STX8: variants seen among roughly 807,000 people sequenced by gnomAD.
STX8 encodes the protein syntaxin-8.
A neutral mutation model predicts 37.5 loss-of-function variants in STX8; 23 were observed. That is an observed-to-expected ratio of 0.61 (90% CI 0.44 to 0.87). STX8 has a LOEUF of 0.87. STX8 is among the 40% of genes least tolerant of loss of function. The pLI, the probability that STX8 is intolerant of heterozygous loss-of-function variation, is 0.00. For synonymous variants in STX8, 115 were observed against 99.1 expected, an observed-to-expected ratio of 1.16 and a Z score of -0.95; for missense variants, 313 against 284.7, an observed-to-expected ratio of 1.10 and a Z score of -0.71.
chr17:9,545,399 C>T (rs1438871003), intron 3 of STX8, 117 bp from the exon 4 acceptor site: 14 of 716,496 alleles, frequency 2.0e-5, no homozygotes, highest in Non-Finnish European at 2.4e-6. Flanking sequence ...CACTACTACC[C>T]AGAAGGGATG....
chr17:9,540,436 G>A (rs914572751), intron 4 of STX8, among the ~76,000 whole-genome samples: 7 of 152,118 alleles, frequency 4.6e-5, no homozygotes, highest in South Asian at 2.1e-4. Flanking sequence ...AAGCATATGC[G>A]GACATGTTCC....
chr17:9,484,663 A>AG (rs1396938784), intron 6 of STX8, among the ~76,000 whole-genome samples: 2 of 147,880 alleles, frequency 1.4e-5, no homozygotes, highest in Admixed American at 6.8e-5. Flanking sequence ...TAAAAATACA[A>AG]AAAAAAAAAA....
At chr17:9,563,189 A>G (rs973474760) in intron 2 of STX8, among the ~76,000 whole-genome samples, 1 of 150,884 alleles carries the variant, frequency 6.6e-6, no homozygotes. Flanking sequence ...TTATTTATTT[A>G]TTTATTTATT....
At chr17:9,546,590 GGTTTTTTTTTTT>G (rs1906529205) in intron 3 of STX8, among the ~76,000 whole-genome samples, 3 of 62,218 alleles carry the variant, frequency 4.8e-5, no homozygotes, top group Admixed American at 4.8e-4. Context: ...CTACAAAAGT[GGTTTTTTTTTTT>G]TTTTTTTTTT....
chr17:9,525,370 G>C (rs189157749), intron 4 of STX8, among the ~76,000 whole-genome samples: 1 of 149,240 alleles, frequency 6.7e-6, no homozygotes, highest in African/African-American at 2.5e-5. Flanking sequence ...TTTTTGAGAC[G>C]GAGTCTCACT....
Position 9,493,030 on chromosome 17 carries a change from G to A in STX8, c.449-1109C>T, listed in dbSNP as rs574256493. On this transcript the variant is annotated intron_variant, in intron 5 of 7. Transcript: ENST00000306357. ...GGAGAATGGTGTGAACCCAGGAAGC[G>A]GAGATTGCAGTGAGCTGAGATTGCG... Among the ~76,000 whole-genome samples the A allele has an allele frequency of 4.3e-4, 65 of 152,004 alleles. No individual in the cohort carries two copies. The South Asian group carries it at 0.011, about 26-fold the overall frequency.
intron 3 of STX8, among the ~76,000 whole-genome samples, chr17:9,546,890 C>G (rs992863009): frequency 2.1e-5 from 1 of 47,770 alleles, no homozygotes; most frequent in Non-Finnish European, 3.9e-5. Context: ...AGCCAGTGCG[C>G]CCAGACACAA....
chr17:9,488,288 T>C (rs566476263), intron 6 of STX8, among the ~76,000 whole-genome samples: 2 of 149,400 alleles, frequency 1.3e-5, no homozygotes, highest in East Asian at 1.9e-4. Context: ...ATCGCACCAC[T>C]GCACTCCAGC....
chr17:9,433,488 G>C (rs1307439182), intron 6 of STX8, among the ~76,000 whole-genome samples: 1 of 152,104 alleles, frequency 6.6e-6, no homozygotes, highest in Admixed American at 6.5e-5. Flanking sequence ...CTTTCATTCA[G>C]TCAAAAACTA....
chr17:9,432,793 A>G (rs1244152714), intron 6 of STX8, among the ~76,000 whole-genome samples: 1 of 152,210 alleles, frequency 6.6e-6, no homozygotes, highest in Non-Finnish European at 1.5e-5. Context: ...GAAAACATTT[A>G]CAAGCTTTCC....
At chr17:9,496,643 G>A (rs1162033189) in intron 5 of STX8, among the ~76,000 whole-genome samples, 1 of 152,090 alleles carries the variant, frequency 6.6e-6, no homozygotes, top group Non-Finnish European at 1.5e-5. Flanking sequence ...ATGGCAAAAG[G>A]GACTTTGCAG....
intron 6 of STX8, among the ~76,000 whole-genome samples, chr17:9,430,555 C>T (rs534515338): frequency 6.6e-6 from 1 of 151,374 alleles, no homozygotes. Context: ...AAACTTCATT[C>T]TTTTTATGGC....
chr17:9,556,633 G>A (rs1394927987), intron 3 of STX8, among the ~76,000 whole-genome samples: 3 of 151,112 alleles, frequency 2.0e-5, no homozygotes, highest in Non-Finnish European at 4.4e-5. Flanking sequence ...GTAGAGATGG[G>A]GTTTCACCAT....
At chr17:9,257,945 C>T (rs377441936) in intron 7 of STX8, among the ~76,000 whole-genome samples, 64 of 152,302 alleles carry the variant, frequency 4.2e-4, no homozygotes, top group South Asian at 3.9e-3. Flanking sequence ...GCTGAGATTG[C>T]GCCACTGCAC....
intron 4 of STX8, among the ~76,000 whole-genome samples, chr17:9,544,952 G>A (rs564479040): frequency 3.9e-5 from 6 of 152,090 alleles, no homozygotes; most frequent in Non-Finnish European, 8.8e-5. Flanking sequence ...CCAAGATCAC[G>A]CCACTGCACT....
At chr17:9,353,394 G>A (rs746566895) in intron 7 of STX8, among the ~76,000 whole-genome samples, 1 of 152,192 alleles carries the variant, frequency 6.6e-6, no homozygotes, top group Non-Finnish European at 1.5e-5. Context: ...CAAGAACTGG[G>A]TGTAAACTGT....
intron 7 of STX8, among the ~76,000 whole-genome samples, chr17:9,316,905 G>A (rs922633662): frequency 4.6e-5 from 7 of 152,168 alleles, no homozygotes; most frequent in African/African-American, 1.4e-4. Flanking sequence ...ATTGGTATCC[G>A]CCAGAGAACT....
intron 7 of STX8, among the ~76,000 whole-genome samples, chr17:9,319,430 C>CA (rs1412694225): frequency 2.6e-5 from 4 of 151,786 alleles, no homozygotes; most frequent in Non-Finnish European, 5.9e-5. Context: ...AAAACAAAAA[C>CA]AAAAACAAAA....
At chr17:9,369,886 C>CAAAAAAAAAAAAAAAAAAAAA (rs60178482) in intron 7 of STX8, among the ~76,000 whole-genome samples, 1 of 52,154 alleles carries the variant, frequency 1.9e-5, no homozygotes, top group African/African-American at 6.4e-5. Context: ...GACCCTGTAC[C>CAAAAAAAAAAAAAAAAAAAAA]AAAAAAAAAA....
Sources: gnomAD v4.1 joint callset for allele counts (sites outside exome capture counted in the v4.1 genomes callset) on GRCh38, gnomAD v4.1.1 for gene constraint, MANE v1.5 for transcripts, NCBI Gene and HGNC (gene_info 2026-07-23, HGNC 2026-07-21) for gene names.